Variants in CLEC16A observed in about 807,000 individuals in gnomAD.
CLEC16A encodes the protein C-type lectin domain containing 16A, also known as protein CLEC16A.
In CLEC16A, 51 loss-of-function variants were observed where a neutral mutation model predicts 109.5. That is an observed-to-expected ratio of 0.47 (90% CI 0.37 to 0.59). The LOEUF (loss-of-function observed/expected upper bound fraction) is 0.59. Ranked by LOEUF, CLEC16A falls within the 20% of genes least tolerant of loss-of-function variation. CLEC16A has a pLI of 0.00. For missense variants in CLEC16A, 1,339 were observed against 1,394.0 expected (o/e 0.96, Z 0.63); for synonymous variants, 673 against 564.2 (o/e 1.19, Z -2.73).
chr16:11,025,026 A>G, intron 13 of CLEC16A, 105 bp downstream of exon 13: 1 of 839,976 alleles, frequency 1.2e-6, no homozygotes. Flanking sequence ...TCTGTACAGA[A>G]TTTCCTTTCT....
At position 10,957,811 on chromosome 16, in the gene CLEC16A, C is replaced by G; in HGVS notation, c.110C>G (p.Thr37Ser). Residue 37 changes from threonine to serine, a missense_variant, in exon 2 of 24, where the codon ACC (threonine) becomes AGC (serine). Around this residue, in one of 3 missense-constraint regions of CLEC16A, gnomAD observed 117 missense variants for 120.2 expected, o/e 0.97. Coordinates refer to ENST00000409790, the MANE Select transcript of CLEC16A (RefSeq NM_015226.3). ...CTGTACCACGTTTTGACCAAAAACA[C>G]CACAGTCACAGAACAGAACCGGAAC... ...KYLYHVLTKN[T>S]TVTEQNRNLL... The G allele has an allele frequency of 6.2e-7, 1 of 1,613,750 alleles. No individual in the cohort carries two copies.
intron 19 of CLEC16A, among the ~76,000 whole-genome samples, chr16:11,104,753 G>A (rs1016758339): frequency 2.0e-5 from 3 of 152,156 alleles, no homozygotes; most frequent in Non-Finnish European, 2.9e-5. Context: ...TAAGGAAACA[G>A]CCTCTGAAGG....
intron 22 of CLEC16A, 187 bp downstream of exon 22, chr16:11,126,333 G>T: frequency 1.3e-6 from 2 of 1,484,974 alleles, no homozygotes; most frequent in Non-Finnish European, 1.8e-6. Context: ...ATAAATTTTG[G>T]CTTTCCCTTT....
chr16:11,022,476 CTGTT>C (rs1238925989), intron 12 of CLEC16A, among the ~76,000 whole-genome samples: 1 of 150,446 alleles, frequency 6.6e-6, no homozygotes, highest in East Asian at 2.0e-4. Context: ...AGGAAGGTGG[CTGTT>C]TGTTCTCTAG....
chr16:11,148,107 A>G (rs1269288074), intron 22 of CLEC16A, among the ~76,000 whole-genome samples: 1 of 152,200 alleles, frequency 6.6e-6, no homozygotes, highest in African/African-American at 2.4e-5. Context: ...CCTCAGATTC[A>G]TGATTTCTGG....
chr16:10,958,441 C>G (rs1043176953), intron 2 of CLEC16A, among the ~76,000 whole-genome samples: 1 of 152,154 alleles, frequency 6.6e-6, no homozygotes, highest in Non-Finnish European at 1.5e-5. Context: ...TGAGGGGTCC[C>G]GCAACTCACC....
intron 7 of CLEC16A, among the ~76,000 whole-genome samples, chr16:10,976,679 C>CCTG (rs759352205): frequency 3.9e-5 from 6 of 152,186 alleles, no homozygotes; most frequent in Non-Finnish European, 8.8e-5. Flanking sequence ...AGACTGACTC[C>CCTG]ACCCAAGAGA....
At chr16:11,081,496 G>A (rs1020769402) in intron 19 of CLEC16A, among the ~76,000 whole-genome samples, 2 of 152,000 alleles carry the variant, frequency 1.3e-5, no homozygotes, top group African/African-American at 2.4e-5. Flanking sequence ...CCTGGCTCAC[G>A]TCTCCCCAAG....
At chr16:11,124,538 A>G (rs1349672155) in intron 21 of CLEC16A, among the ~76,000 whole-genome samples, 1 of 152,194 alleles carries the variant, frequency 6.6e-6, no homozygotes, top group Non-Finnish European at 1.5e-5. Context: ...GAAGCCCAAC[A>G]CTGCCCAGTA....
chr16:11,136,420 C>A (rs2053565266), intron 22 of CLEC16A: 1 of 152,180 alleles, frequency 6.6e-6, no homozygotes. Flanking sequence ...CAATGCCTGA[C>A]CCATATAAAA....
chr16:10,962,678 T>G, intron 3 of CLEC16A, 90 bp downstream of exon 3: 2 of 1,401,310 alleles, frequency 1.4e-6, no homozygotes, highest in South Asian at 1.2e-5. Flanking sequence ...CGCTTACTAT[T>G]CGTCGGCTCA....
rs2041889703 is a variant in CLEC16A at position 10,954,409 on chromosome 16, T to C, written c.81-3373T>C. Among the ~76,000 whole-genome samples the C allele has an allele frequency of 6.6e-6, 1 of 152,188 alleles. No homozygotes were observed. On this transcript the variant is annotated intron_variant, in intron 1 of 23. Coordinates refer to ENST00000409790, the MANE Select transcript of CLEC16A (RefSeq NM_015226.3). The surrounding 1 kb of genome is among the most constrained non-coding windows in gnomAD (Gnocchi z 4.2). ...TCTGCCTATAAGGGCCTTCTGGTAG[T>C]TACTAGGTCTTTTTCCCCCAGAAAT...
chr16:11,166,676 G>T, intron 23 of CLEC16A, 124 bp downstream of exon 23: 3 of 990,152 alleles, frequency 3.0e-6, no homozygotes, highest in Non-Finnish European at 4.2e-6. Flanking sequence ...TGCCGCTCAG[G>T]TGATCTGCAC....
In CLEC16A at chr16:11,178,459, C is replaced by T. The variant is rs1271276720; in HGVS notation, c.2931C>T (p.Ala977=). 2 of 1,613,508 alleles carry T rather than the reference C, an allele frequency of 1.2e-6. No homozygotes were observed. The highest frequency in any genetic ancestry group is 4.5e-5 in the East Asian group (2 of 44,902). The change falls in exon 24 of 24, where the codon GCC becomes GCT. Residue 977 remains alanine, a synonymous_variant. Transcript: ENST00000409790. This position sits in a 1 kb window ranked among gnomAD's most constrained non-coding sequence, Gnocchi z 6.5. The part of the protein sequence containing the change: ...NVARSAAVET[A]SLSPSLVPAR... ...CCAGGAGCGCAGCCGTGGAGACAGC[C>T]AGCCTGTCCCCCAGCCTCGTCCCTG...
intron 19 of CLEC16A, among the ~76,000 whole-genome samples, chr16:11,071,599 TC>T (rs1317253135): frequency 8.0e-5 from 12 of 150,364 alleles, no homozygotes; most frequent in Non-Finnish European, 1.5e-4. Context: ...ATATTACGTT[TC>T]TTTTTTTTTT....
intron 19 of CLEC16A, among the ~76,000 whole-genome samples, chr16:11,071,859 C>G (rs1597287578): frequency 1.3e-5 from 2 of 148,492 alleles, no homozygotes; most frequent in East Asian, 4.0e-4. Context: ...TCCTAAGTAG[C>G]TGGGACTACA....
At chr16:11,142,902 C>G (rs946388575) in intron 22 of CLEC16A, among the ~76,000 whole-genome samples, 6 of 152,224 alleles carry the variant, frequency 3.9e-5, no homozygotes, top group Admixed American at 6.5e-5. Context: ...CCTCCGCCCC[C>G]CTGGTTCAAG....
At position 11,139,772 on chromosome 16, in the gene CLEC16A, C is replaced by G. The variant is rs149459153; in HGVS notation, c.2641+13626C>G. 3.6e-3 allele frequency among the ~76,000 whole-genome samples: 552 copies of G among 152,268 alleles called. 3 individuals are homozygous for G. The highest frequency in any genetic ancestry group is 0.013 in the African/African-American group (525 of 41,546). ...AAGTTTGGACTGTGAAGTGCAGTGA[C>G]TCCTCTGAAAATATTTGCTAGCTGG... is the stretch of plus-strand genomic sequence containing the variant. On this transcript the variant is annotated intron_variant, in intron 22 of 23. Transcript: ENST00000409790.
intron 7 of CLEC16A, among the ~76,000 whole-genome samples, chr16:10,973,699 G>A (rs1348375237): frequency 1.3e-5 from 2 of 151,404 alleles, no homozygotes; most frequent in Non-Finnish European, 2.9e-5. Context: ...CTCCCAGGTA[G>A]CTAAGACCAC....
Sources: gnomAD v4.1 joint callset for allele counts (sites outside exome capture counted in the v4.1 genomes callset) on GRCh38, gnomAD v4.1.1 for gene constraint, gnomAD v4.1.1 regional missense constraint, Gnocchi (gnomAD v3.1) non-coding constraint, MANE v1.5 for transcripts, NCBI Gene and HGNC (gene_info 2026-07-23, HGNC 2026-07-21) for gene names.